The following IGLL5 variants were observed in gnomAD, a reference collection of about 807,000 sequenced individuals.
The protein encoded by IGLL5 is immunoglobulin lambda like polypeptide 5.
In IGLL5, 30 loss-of-function variants were observed where a neutral mutation model predicts 20.9. The ratio of observed to expected loss-of-function variants is 1.44; its 90% confidence interval spans 1.07 to 1.95. IGLL5 has a LOEUF of 1.95. Among genes scored for constraint, IGLL5 ranks in the 30% most tolerant of loss-of-function variants. IGLL5 has a pLI of 0.00. For synonymous variants in IGLL5, 203 were observed against 117.3 expected (o/e 1.73, Z -4.72); for missense variants, 475 against 270.7 (o/e 1.75, Z -5.30).
intron 1 of IGLL5, among the ~76,000 whole-genome samples, chr22:22,888,592 G>A (rs1387255984): frequency 6.6e-6 from 1 of 151,312 alleles, no homozygotes; most frequent in Admixed American, 6.6e-5. Flanking sequence ...ACAGGGGGTG[G>A]TGGCCACTGT....
In IGLL5 at chr22:22,895,786, TCCCTGCACTCATGAAACC is replaced by T; in HGVS notation, c.*95_*112del. The T allele has an allele frequency of 5.1e-6, 6 of 1,166,912 alleles. No homozygotes were observed. Among genetic ancestry groups the T allele is most frequent in the Non-Finnish European group, 7.7e-6 (6 of 778,060 alleles). 72.3% of individuals were successfully genotyped at this position (1,166,912 alleles called of 1,614,324 possible). A position where few individuals can be genotyped will look rare whatever the true frequency, so the allele number is the denominator to read the frequency against. On this transcript the variant is annotated 3_prime_UTR_variant, in exon 3 of 3. Coordinates refer to ENST00000526893, the MANE Select transcript of IGLL5 (RefSeq NM_001178126.2). ...CCCATCCCAAGTCATCCAGCCCTTC[TCCCTGCACTCATGAAACC>T]CCAATAAATATCCTCATTGACAACC...
At chr22:22,890,219 G>A (rs1488703610) in intron 1 of IGLL5, among the ~76,000 whole-genome samples, 1 of 148,628 alleles carries the variant, frequency 6.7e-6, no homozygotes, top group Non-Finnish European at 1.5e-5. Flanking sequence ...AAGTGCTTCT[G>A]CTTACCATCT....
intron 2 of IGLL5, among the ~76,000 whole-genome samples, chr22:22,894,304 A>ATG: frequency 6.6e-6 from 1 of 151,368 alleles, no homozygotes; most frequent in Non-Finnish European, 1.5e-5. Flanking sequence ...GCCTGGTGAC[A>ATG]CAGAGGTCAC....
At chr22:22,894,055 G>C (rs1601623048) in intron 2 of IGLL5, among the ~76,000 whole-genome samples, 3 of 151,470 alleles carry the variant, frequency 2.0e-5, no homozygotes, top group Middle Eastern at 3.8e-3. Context: ...GATTGGGCAG[G>C]GTCAGGGCTC....
chr22:22,889,569 A>G (rs11558460), intron 1 of IGLL5, among the ~76,000 whole-genome samples: 1 of 151,188 alleles, frequency 6.6e-6, no homozygotes. Flanking sequence ...GTGTGAAAAA[A>G]CACAATTGTA....
chr22:22,889,315 A>C, intron 1 of IGLL5, among the ~76,000 whole-genome samples: 1 of 151,072 alleles, frequency 6.6e-6, no homozygotes, highest in East Asian at 2.0e-4. Flanking sequence ...AGCAGAGGGG[A>C]GCAGACACGC....
chr22:22,888,907 G>A (rs776158516), intron 1 of IGLL5, among the ~76,000 whole-genome samples: 3 of 151,274 alleles, frequency 2.0e-5, no homozygotes, highest in African/African-American at 4.9e-5. Flanking sequence ...CTCACAGATC[G>A]AGGGGCACTG....
At chr22:22,888,302 A>G (rs762394916) in intron 1 of IGLL5, 43 bp downstream of exon 1, 8 of 1,532,416 alleles carry the variant, frequency 5.2e-6, no homozygotes, top group Middle Eastern at 2.3e-4. Flanking sequence ...GTCCTGCAGC[A>G]GAGCTGGGAA....
chr22:22,890,127 A>G (rs2067777757), intron 1 of IGLL5, among the ~76,000 whole-genome samples: 2 of 150,652 alleles, frequency 1.3e-5, no homozygotes, highest in Admixed American at 6.7e-5. Flanking sequence ...GTATATTACA[A>G]AATGTAATGA....
chr22:22,888,849 G>T (rs575349641), intron 1 of IGLL5, among the ~76,000 whole-genome samples: 1 of 151,420 alleles, frequency 6.6e-6, no homozygotes, highest in Admixed American at 6.6e-5. Context: ...CATGTTTGGA[G>T]CAATAAAGGG....
Position 22,887,940 on chromosome 22 carries a change from C to A in IGLL5, c.-114C>A. On this transcript the variant is annotated 5_prime_UTR_variant, in exon 1 of 3. Coordinates refer to ENST00000526893, the MANE Select transcript of IGLL5 (RefSeq NM_001178126.2). ...GAGCCAGTCCAGGGAGAGGACAGAG[C>A]CAATGGACTGGGGTGTACTGTAACA... is the stretch of plus-strand genomic sequence containing the variant. 2 of 838,828 alleles carry A rather than the reference C, an allele frequency of 2.4e-6. No homozygotes were observed. Among genetic ancestry groups the A allele is most frequent in the Non-Finnish European group, 4.0e-6 (2 of 500,886 alleles). The allele number at this position is 838,828 out of a possible 1,614,324, so 52.0% of individuals were successfully genotyped here.
At chr22:22,894,217 C>A in intron 2 of IGLL5, among the ~76,000 whole-genome samples, 2 of 151,236 alleles carry the variant, frequency 1.3e-5, no homozygotes, top group South Asian at 2.1e-4. Context: ...GTCTCATAGT[C>A]TAGGGGAGCA....
At chr22:22,889,465 A>G (rs2067722180) in intron 1 of IGLL5, among the ~76,000 whole-genome samples, 1 of 151,388 alleles carries the variant, frequency 6.6e-6, no homozygotes, top group Non-Finnish European at 1.5e-5. Flanking sequence ...GGAATAATCA[A>G]AGCTGTAACC....
chr22:22,889,608 G>T (rs1601609249), intron 1 of IGLL5, among the ~76,000 whole-genome samples: 1 of 151,144 alleles, frequency 6.6e-6, no homozygotes, highest in Admixed American at 6.6e-5. Flanking sequence ...TTTTTGTTTT[G>T]AAACAGTCTT....
chr22:22,890,124 A>T (rs1601611177), intron 1 of IGLL5, among the ~76,000 whole-genome samples: 1 of 150,568 alleles, frequency 6.6e-6, no homozygotes, highest in Admixed American at 6.7e-5. Context: ...TGAGTATATT[A>T]CAAAATGTAA....
chr22:22,890,053 T>G (rs556319686), intron 1 of IGLL5, among the ~76,000 whole-genome samples: 1 of 151,124 alleles, frequency 6.6e-6, no homozygotes, highest in East Asian at 2.0e-4. Flanking sequence ...AAAGAGACAT[T>G]TCTTCTAATA....
chr22:22,888,761 T>G (rs2067643679), intron 1 of IGLL5, among the ~76,000 whole-genome samples: 2 of 151,354 alleles, frequency 1.3e-5, no homozygotes, highest in African/African-American at 4.8e-5. Context: ...AAATGCTTAC[T>G]GGGGCCAGGC....
At chr22:22,889,074 G>A (rs569376144) in intron 1 of IGLL5, among the ~76,000 whole-genome samples, 6 of 151,270 alleles carry the variant, frequency 4.0e-5, no homozygotes, top group Admixed American at 6.6e-5. Flanking sequence ...GATGGATTTA[G>A]GTAGATTGAT....
Position 22,888,106 on chromosome 22 carries a change from C to T in IGLL5, c.53C>T (p.Pro18Leu), listed in dbSNP as rs1175319035. The change falls in exon 1 of 3, where the codon CCT becomes CTT. Residue 18 changes from proline (P) to leucine (L), a missense_variant. Physicochemically the swap from Pro to Leu is moderately conservative, Grantham distance 98 (BLOSUM62 -3). Transcript: ENST00000526893. ...VGCETPEELG[P>L]GPRQRWPLLL... ...TGTGAGACCCCTGAGGAGCTGGGCC[C>T]TGGTCCCAGGCAGCGCTGGCCCCTG... 3.9e-6 allele frequency: 6 copies of T among 1,549,494 alleles called. No homozygotes were observed. The East Asian group carries it at 7.4e-5, about 19-fold the overall frequency.
Sources: allele counts gnomAD v4.1 joint callset (sites outside exome capture counted in the v4.1 genomes callset), GRCh38; gene constraint gnomAD v4.1.1; transcripts MANE v1.5; gene names NCBI Gene and HGNC (gene_info 2026-07-23, HGNC 2026-07-21).